Variants in DPY19L3 observed in about 807,000 individuals in gnomAD.
The protein encoded by DPY19L3 is protein C-mannosyl-transferase DPY19L3.
In DPY19L3, 51 loss-of-function variants were observed where a neutral mutation model predicts 92.3. That is an observed-to-expected ratio of 0.55 (90% CI 0.44 to 0.70). The LOEUF (loss-of-function observed/expected upper bound fraction) is 0.70, where lower values mean the gene tolerates loss of function less well. DPY19L3 is among the 30% of genes least tolerant of loss of function. The probability of loss-of-function intolerance (pLI) is 0.00; values close to 1 mark genes in which losing one functional copy is unlikely to be tolerated. For synonymous variants in DPY19L3, 309 were observed against 315.2 expected, an observed-to-expected ratio of 0.98 and a Z score of 0.21; for missense variants, 706 against 855.9, an observed-to-expected ratio of 0.82 and a Z score of 2.18.
At chr19:32,460,203 C>A (rs1037801461) in intron 12 of DPY19L3, among the ~76,000 whole-genome samples, 1 of 151,852 alleles carries the variant, frequency 6.6e-6, no homozygotes, top group Non-Finnish European at 1.5e-5. Context: ...GAGTTCTAGA[C>A]CAGCCTGGGC....
chr19:32,468,365 T>C (rs1970257511), intron 15 of DPY19L3: 19 of 1,012,818 alleles, frequency 1.9e-5, no homozygotes, highest in Non-Finnish European at 2.2e-5. Context: ...TAATTACATA[T>C]TCCTAACGGA....
At chr19:32,477,363 A>T in intron 16 of DPY19L3, 159 bp from the exon 17 acceptor site, 1 of 871,670 alleles carries the variant, frequency 1.1e-6, no homozygotes, top group South Asian at 1.8e-5. Context: ...CAATAGTTTG[A>T]GTACAAATCA....
intron 3 of DPY19L3, among the ~76,000 whole-genome samples, chr19:32,415,374 G>A (rs1322546283): frequency 6.6e-6 from 1 of 152,180 alleles, no homozygotes; most frequent in Non-Finnish European, 1.5e-5. Context: ...CTAGAAGAGG[G>A]ACAAGTGCAG....
At chr19:32,411,759 G>A (rs1231786796) in intron 3 of DPY19L3, 2 of 210,898 alleles carry the variant, frequency 9.5e-6, no homozygotes, top group African/African-American at 2.3e-5. Context: ...CTAGAGACGG[G>A]GTTTCAGCAT....
chr19:32,484,722 A>G lies in DPY19L3; in HGVS notation c.*2482A>G, dbSNP rs2145653447. The G allele has an allele frequency of 2.0e-5, 3 of 152,200 alleles. No individual in the cohort carries two copies. In the South Asian group the frequency reaches 6.2e-4, roughly 32 times the overall value. The allele number at this position is 152,200 out of a possible 1,614,324, so 9.4% of individuals were successfully genotyped here. A position where few individuals can be genotyped will look rare whatever the true frequency, so the allele number is the denominator to read the frequency against. On this transcript the variant is annotated 3_prime_UTR_variant, in exon 19 of 19. Coordinates refer to ENST00000392250, the MANE Select transcript of DPY19L3 (RefSeq NM_001172774.2). ...TCCCTGGAGTTGTGCACCCGTCCCAAACTCCTCCATGCAAGTTCTGCTTCC... is the reference window on the plus strand; with the variant it reads ...TCCCTGGAGTTGTGCACCCGTCCCAGACTCCTCCATGCAAGTTCTGCTTCC...
At chr19:32,428,838 T>TTTGTTGTTG (rs1190399357) in intron 3 of DPY19L3, among the ~76,000 whole-genome samples, 1 of 151,704 alleles carries the variant, frequency 6.6e-6, no homozygotes, top group Non-Finnish European at 1.5e-5. Flanking sequence ...TTTTGTTTTT[T>TTTGTTGTTG]TTCTTGTTGT....
chr19:32,463,413 T>G lies in DPY19L3; in HGVS notation c.1370T>G (p.Val457Gly). ...QSVGKMEKGT[V>G]DLKPETAYNL... ...GTGGGTAAAATGGAAAAAGGCACAG[T>G]TGACCTGAAACCAGAAACTGCCTAC... Residue 457 changes from valine (V) to glycine (G), a missense_variant, in exon 13 of 19, where the codon GTT becomes GGT. By Grantham distance (109) the Val-to-Gly change is moderately radical. Transcript: ENST00000392250. 6.2e-7 allele frequency: 1 copy of G among 1,613,888 alleles called. No individual in the cohort carries two copies. Among genetic ancestry groups the G allele is most frequent in the Non-Finnish European group, 8.5e-7 (1 of 1,179,822 alleles).
intron 3 of DPY19L3, among the ~76,000 whole-genome samples, chr19:32,416,120 G>A (rs1968369486): frequency 6.6e-6 from 1 of 152,178 alleles, no homozygotes; most frequent in African/African-American, 2.4e-5. Context: ...GTAGAAGAGA[G>A]GAGAAGAACA....
chr19:32,413,159 A>G (rs1429340308), intron 3 of DPY19L3: 1 of 152,220 alleles, frequency 6.6e-6, no homozygotes. Flanking sequence ...AGTTGCTTGT[A>G]AAAATAAACA....
At chr19:32,407,272 A>ACCCCCCCCC (rs923773742) in intron 1 of DPY19L3, among the ~76,000 whole-genome samples, 1 of 93,512 alleles carries the variant, frequency 1.1e-5, no homozygotes, top group Non-Finnish European at 2.2e-5. Context: ...GCTCCCCCCC[A>ACCCCCCCCC]CCCATTACTC....
intron 3 of DPY19L3, among the ~76,000 whole-genome samples, chr19:32,414,486 C>G (rs1195367859): frequency 6.7e-6 from 1 of 150,104 alleles, no homozygotes; most frequent in East Asian, 2.0e-4. Flanking sequence ...TCCAGCTACT[C>G]AGGAGGCTGA....
chr19:32,476,528 CAAAAAAAAA>C (rs71176126), intron 16 of DPY19L3, among the ~76,000 whole-genome samples: 10 of 93,290 alleles, frequency 1.1e-4, no homozygotes, highest in Admixed American at 2.5e-4. Flanking sequence ...CTCAGGTTTC[CAAAAAAAAA>C]AAAAAAAAAA....
Position 32,408,347 on chromosome 19 carries a change from T to C in DPY19L3, c.94T>C (p.Leu32=). The C allele has an allele frequency of 6.2e-7, 1 of 1,613,062 alleles. No homozygotes were observed. The highest frequency in any genetic ancestry group is 8.5e-7 in the Non-Finnish European group (1 of 1,179,414). ...QEENVKLENK[L]PSGCTSRRLW... Reference sequence around the variant, plus strand: ...AGAAAATGTGAAGTTGGAAAATAAATTGCCATCTGGTAGGTGATTTAAACT... The same window carrying C: ...AGAAAATGTGAAGTTGGAAAATAAACTGCCATCTGGTAGGTGATTTAAACT... Residue 32 remains leucine (L), a synonymous_variant, in exon 2 of 19, where the codon TTG becomes CTG. Coordinates refer to ENST00000392250, the MANE Select transcript of DPY19L3 (RefSeq NM_001172774.2).
At chr19:32,458,652 A>C in intron 12 of DPY19L3, 143 bp downstream of exon 12, 1 of 850,212 alleles carries the variant, frequency 1.2e-6, no homozygotes, top group African/African-American at 1.7e-5. Context: ...TTTAGAGTGG[A>C]CTACACTCCC....
At chr19:32,468,889 G>A (rs897440042) in intron 16 of DPY19L3, 76 bp downstream of exon 16, 3 of 1,412,756 alleles carry the variant, frequency 2.1e-6, no homozygotes, top group Non-Finnish European at 2.8e-6. Context: ...TCGTTTTGGG[G>A]GTTTTTTGTT....
chr19:32,469,356 C>G (rs968596986), intron 16 of DPY19L3, among the ~76,000 whole-genome samples: 2 of 151,878 alleles, frequency 1.3e-5, no homozygotes, highest in Non-Finnish European at 2.9e-5. Flanking sequence ...CAAAAATTAG[C>G]CAGGCATGGT....
At chr19:32,435,201 T>A (rs369863114) in intron 4 of DPY19L3, among the ~76,000 whole-genome samples, 20 of 152,184 alleles carry the variant, frequency 1.3e-4, no homozygotes, top group African/African-American at 4.8e-4. Flanking sequence ...GTTCCTCTTA[T>A]AAGAACACCA....
At chr19:32,447,888 T>A (rs899529941) in intron 8 of DPY19L3, among the ~76,000 whole-genome samples, 6 of 152,010 alleles carry the variant, frequency 3.9e-5, no homozygotes, top group African/African-American at 1.5e-4. Context: ...TTAGTAAAAT[T>A]GCGAACCTTC....
At chr19:32,431,868 G>T (rs141913585) in intron 3 of DPY19L3, among the ~76,000 whole-genome samples, 160 of 152,058 alleles carry the variant, frequency 1.1e-3, no homozygotes, top group African/African-American at 3.6e-3. Flanking sequence ...ATACTTATTC[G>T]TACATAAGTA....
Sources: allele counts gnomAD v4.1 joint callset (sites outside exome capture counted in the v4.1 genomes callset), GRCh38; gene constraint gnomAD v4.1.1; transcripts MANE v1.5; gene names NCBI Gene and HGNC (gene_info 2026-07-23, HGNC 2026-07-21).